IL1RAPL2: variants seen among roughly 807,000 people sequenced by gnomAD.
The protein encoded by IL1RAPL2 is X-linked interleukin-1 receptor accessory protein-like 2.
In IL1RAPL2, 3 loss-of-function variants were observed where a neutral mutation model predicts 44.1. The observed-to-expected ratio is 0.07, with a 90% confidence interval of 0.03 to 0.18. The LOEUF is 0.18. Ranked by LOEUF, IL1RAPL2 falls within the 10% of genes least tolerant of loss-of-function variation. The pLI is 1.00. For missense variants in IL1RAPL2, 391 were observed against 496.4 expected, an observed-to-expected ratio of 0.79 and a Z score of 2.02; for synonymous variants, 181 against 178.8, an observed-to-expected ratio of 1.01 and a Z score of -0.10.
At chrX:105,298,543 T>A (rs1054746922) in intron 5 of IL1RAPL2, among the ~76,000 whole-genome samples, 2 of 110,956 alleles carry the variant, frequency 1.8e-5, no homozygotes, top group Non-Finnish European at 3.8e-5. Context: ...GTTCAGTTTG[T>A]GATATAAGTT....
chrX:104,985,613 T>G (rs1207060601), intron 2 of IL1RAPL2, among the ~76,000 whole-genome samples: 4 of 112,034 alleles, frequency 3.6e-5, no homozygotes, highest in Non-Finnish European at 7.5e-5. Flanking sequence ...GATGTCAGTT[T>G]GTAATTACTA....
chrX:105,352,182 A>G (rs1406726940), intron 5 of IL1RAPL2, among the ~76,000 whole-genome samples: 1 of 111,940 alleles, frequency 8.9e-6, no homozygotes, highest in Non-Finnish European at 1.9e-5. Flanking sequence ...TGCCTGCCTC[A>G]GCCTTACAAA....
At chrX:105,168,444 TGTGTGTGTGC>T (rs1322676158) in intron 2 of IL1RAPL2, among the ~76,000 whole-genome samples, 1 of 104,221 alleles carries the variant, frequency 9.6e-6, no homozygotes, top group Non-Finnish European at 2.0e-5. Context: ...TGTGTGTGTG[TGTGTGTGTGC>T]ACGTGCATGT....
chrX:105,090,356 A>G (rs917827553), intron 2 of IL1RAPL2, among the ~76,000 whole-genome samples: 1 of 111,650 alleles, frequency 9.0e-6, no homozygotes, highest in East Asian at 2.8e-4. Flanking sequence ...TGTATTTTCT[A>G]TGTTTAACTG....
chrX:105,393,918 T>C (rs1258477547), intron 5 of IL1RAPL2, among the ~76,000 whole-genome samples: 2 of 112,386 alleles, frequency 1.8e-5, no homozygotes, highest in Non-Finnish European at 3.8e-5. Context: ...GCACAGATAA[T>C]TAAAATGACC....
At chrX:105,671,217 G>A (rs1199909702) in intron 6 of IL1RAPL2, among the ~76,000 whole-genome samples, 1 of 111,901 alleles carries the variant, frequency 8.9e-6, no homozygotes, top group African/African-American at 3.2e-5. Flanking sequence ...AAAGGGCTAG[G>A]ATTAAAGGCA....
chrX:104,985,835 G>A (rs377034631), intron 2 of IL1RAPL2, among the ~76,000 whole-genome samples: 31 of 112,154 alleles, frequency 2.8e-4, no homozygotes, highest in African/African-American at 8.7e-4. Context: ...AGATCCAGAC[G>A]CATTACATTT....
At position 104,592,140 on chromosome X, in the gene IL1RAPL2, CGT is replaced by C. The variant is rs1310009276; in HGVS notation, c.-20+25090_-20+25091del. Among the ~76,000 whole-genome samples, 59 of 40,959 alleles carry C rather than the reference CGT, an allele frequency of 1.4e-3. 1 individual carries two copies. The highest frequency in any genetic ancestry group is 2.6e-3 in the Non-Finnish European group (48 of 18,664). 35.6% of individuals were successfully genotyped at this position (40,959 alleles called of 115,157 possible). ...ATGCCATATGATTTTTTTTAATGCC[CGT>C]ATATGTGTGTGTGTGTGTGTGTGTG... On this transcript the variant is annotated intron_variant, in intron 1 of 10. Coordinates refer to ENST00000372582, the MANE Select transcript of IL1RAPL2 (RefSeq NM_017416.2).
intron 6 of IL1RAPL2, among the ~76,000 whole-genome samples, chrX:105,571,081 G>A (rs931114608): frequency 9.0e-6 from 1 of 111,505 alleles, no homozygotes. Flanking sequence ...ATACAGAAAA[G>A]CCTATAGAAC....
chrX:105,512,101 GAAATATGGCAT>G (rs2036474653), intron 6 of IL1RAPL2, among the ~76,000 whole-genome samples: 2 of 110,904 alleles, frequency 1.8e-5, no homozygotes, highest in African/African-American at 6.5e-5. Context: ...ATTTCACCCA[GAAATATGGCAT>G]TTCTGGGTGA....
chrX:105,171,008 G>A (rs2033418408), intron 2 of IL1RAPL2, among the ~76,000 whole-genome samples: 1 of 111,291 alleles, frequency 9.0e-6, no homozygotes, highest in Admixed American at 9.6e-5. Flanking sequence ...GAGATGTTCA[G>A]CTTATATTCC....
At chrX:105,615,334 G>A (rs1381722676) in intron 6 of IL1RAPL2, among the ~76,000 whole-genome samples, 1 of 111,568 alleles carries the variant, frequency 9.0e-6, no homozygotes, top group African/African-American at 3.3e-5. Context: ...GCTGTGTACA[G>A]AACCAAGAGA....
intron 5 of IL1RAPL2, among the ~76,000 whole-genome samples, chrX:105,401,207 T>C (rs760479490): frequency 9.0e-6 from 1 of 111,511 alleles, no homozygotes; most frequent in Non-Finnish European, 1.9e-5. Flanking sequence ...GTATGAGTTT[T>C]GGAGGGGCTG....
intron 2 of IL1RAPL2, among the ~76,000 whole-genome samples, chrX:104,814,972 A>T (rs765372124): frequency 1.6e-4 from 18 of 112,004 alleles, no homozygotes; most frequent in Non-Finnish European, 3.4e-4. Context: ...AATTAACTTC[A>T]TCAGATCTTT....
chrX:105,517,699 G>A (rs2036524756), intron 6 of IL1RAPL2, among the ~76,000 whole-genome samples: 1 of 111,495 alleles, frequency 9.0e-6, no homozygotes, highest in East Asian at 2.8e-4. Context: ...GGAAGTGACT[G>A]CTACTTCACT....
At chrX:105,346,909 G>T (rs1456957897) in intron 5 of IL1RAPL2, among the ~76,000 whole-genome samples, 1 of 111,897 alleles carries the variant, frequency 8.9e-6, no homozygotes, top group African/African-American at 3.2e-5. Context: ...ATTTTAAACA[G>T]CCTTCTTCAC....
At chrX:104,804,086 G>A in intron 2 of IL1RAPL2, 1 of 115,249 alleles carries the variant, frequency 8.7e-6, no homozygotes, top group Non-Finnish European at 1.8e-5. Context: ...GAAGTCTTTG[G>A]GGGAAATTGT....
At chrX:105,386,590 A>G (rs2035478040) in intron 5 of IL1RAPL2, among the ~76,000 whole-genome samples, 1 of 112,104 alleles carries the variant, frequency 8.9e-6, no homozygotes, top group Non-Finnish European at 1.9e-5. Flanking sequence ...GTGATCACCT[A>G]GAATACCCAA....
rs753808747 is a variant in IL1RAPL2, at chrX:104,639,022, A to C, written c.-19-19873A>C. Reference sequence around the variant, plus strand: ...TAGATTTAGTAATATTTGCTTTATGAATCTGGGTACCCCAATGTTAGGTCT... The same window carrying C: ...TAGATTTAGTAATATTTGCTTTATGCATCTGGGTACCCCAATGTTAGGTCT... On this transcript the variant is annotated intron_variant, in intron 1 of 10. Coordinates refer to ENST00000372582, the MANE Select transcript of IL1RAPL2 (RefSeq NM_017416.2). 4.4e-5 allele frequency among the ~76,000 whole-genome samples: 5 copies of C among 112,592 alleles called. No homozygotes were observed. The East Asian group carries it at 1.4e-3, about 31-fold the overall frequency.
Sources: gnomAD v4.1 joint callset for allele counts (sites outside exome capture counted in the v4.1 genomes callset) on GRCh38, gnomAD v4.1.1 for gene constraint, MANE v1.5 for transcripts, NCBI Gene and HGNC (gene_info 2026-07-23, HGNC 2026-07-21) for gene names.